The following USP32 variants were observed in gnomAD, a reference collection of about 807,000 sequenced individuals.
USP32 encodes ubiquitin carboxyl-terminal hydrolase 32.
A neutral mutation model predicts 204.8 loss-of-function variants in USP32; 59 were observed. The ratio of observed to expected loss-of-function variants is 0.29; its 90% CI spans 0.23 to 0.36. The LOEUF (loss-of-function observed/expected upper bound fraction) is 0.36, where lower values mean the gene tolerates loss of function less well. USP32 is among the 10% of genes least tolerant of loss of function. The pLI is 1.00. For synonymous variants in USP32, 517 were observed against 678.4 expected, an observed-to-expected ratio of 0.76 and a Z score of 3.70; for missense variants, 1,160 against 1,946.4, an observed-to-expected ratio of 0.60 and a Z score of 7.60.
chr17:60,279,141 C>T (rs1428666024), intron 5 of USP32, among the ~76,000 whole-genome samples: 1 of 152,174 alleles, frequency 6.6e-6, no homozygotes, highest in Non-Finnish European at 1.5e-5. Flanking sequence ...TGCTCAGCAT[C>T]ATCACAAACA....
intron 11 of USP32, among the ~76,000 whole-genome samples, chr17:60,251,849 T>C (rs1056013219): frequency 2.6e-5 from 4 of 152,024 alleles, no homozygotes; most frequent in African/African-American, 7.2e-5. Context: ...TCATTTAAAA[T>C]TATATTCAAA....
intron 1 of USP32, among the ~76,000 whole-genome samples, chr17:60,363,546 C>T (rs2089254832): frequency 6.6e-6 from 1 of 151,158 alleles, no homozygotes; most frequent in African/African-American, 2.4e-5. Flanking sequence ...GACAGGGTCT[C>T]ACTCTGTCGC....
At chr17:60,393,436 G>T (rs2089871930), upstream of USP32, among the ~76,000 whole-genome samples, 3 of 152,186 alleles carry the variant, frequency 2.0e-5, no homozygotes, top group South Asian at 2.1e-4. Context: ...ACCAAATGGG[G>T]TGTATATGTA....
intron 32 of USP32, 39 bp from the exon 33 acceptor site, chr17:60,180,676 A>G: frequency 1.3e-6 from 2 of 1,594,780 alleles, no homozygotes; most frequent in East Asian, 4.5e-5. Flanking sequence ...TTAGCAGTTA[A>G]CTGTACTATG....
intron 2 of USP32, among the ~76,000 whole-genome samples, chr17:60,327,945 G>C (rs928507446): frequency 1.3e-5 from 2 of 152,250 alleles, no homozygotes; most frequent in African/African-American, 4.8e-5. Context: ...CAAGATGGGG[G>C]AATCAAGGGG....
At chr17:60,280,667 G>C (rs923611105) in intron 5 of USP32, among the ~76,000 whole-genome samples, 8 of 152,142 alleles carry the variant, frequency 5.3e-5, no homozygotes, top group Admixed American at 1.3e-4. Context: ...AGTCACTGAT[G>C]CTTTAAAATA....
At chr17:60,399,982 T>G (rs1164900233) in intron 1 of USP32, among the ~76,000 whole-genome samples, 1 of 152,136 alleles carries the variant, frequency 6.6e-6, no homozygotes, top group Non-Finnish European at 1.5e-5. Context: ...CTTTTTTTTT[T>G]GAGATGGAGT....
At chr17:60,301,810 C>A in intron 2 of USP32, 106 bp from the exon 3 acceptor site, 1 of 736,188 alleles carries the variant, frequency 1.4e-6, no homozygotes, top group East Asian at 2.9e-5. Context: ...ACAACAGGCC[C>A]TGGTAAATTT....
chr17:60,181,050 A>G (rs1598021688), intron 32 of USP32, among the ~76,000 whole-genome samples: 1 of 151,784 alleles, frequency 6.6e-6, no homozygotes, highest in African/African-American at 2.4e-5. Context: ...ACCTTGCTCC[A>G]TTTTAAAATT....
intron 1 of USP32, among the ~76,000 whole-genome samples, chr17:60,359,613 C>G (rs2089159342): frequency 1.3e-5 from 2 of 151,902 alleles, no homozygotes. Context: ...GAGTTTGAGA[C>G]CAGCTTGAGC....
chr17:60,378,109 A>C (rs2146105999), intron 1 of USP32, among the ~76,000 whole-genome samples: 1 of 152,302 alleles, frequency 6.6e-6, no homozygotes, highest in African/African-American at 2.4e-5. Context: ...ACAAAAAAGC[A>C]CACATCTCAA....
At chr17:60,332,937 A>G (rs2088425550) in intron 2 of USP32, among the ~76,000 whole-genome samples, 2 of 152,232 alleles carry the variant, frequency 1.3e-5, no homozygotes, top group Non-Finnish European at 2.9e-5. Flanking sequence ...GAAAATCCTC[A>G]TTGTGAAAAC....
chr17:60,351,386 C>A (rs1020145843), intron 1 of USP32, among the ~76,000 whole-genome samples: 1 of 151,940 alleles, frequency 6.6e-6, no homozygotes. Flanking sequence ...TAATTTGTAC[C>A]TTTAGCTGAT....
intron 31 of USP32, 70 bp downstream of exon 31, chr17:60,183,095 G>A (rs1416182743): frequency 1.3e-6 from 2 of 1,509,156 alleles, no homozygotes; most frequent in African/African-American, 1.4e-5. Flanking sequence ...TTCCAGAACA[G>A]AAGACAGAGA....
intron 1 of USP32, among the ~76,000 whole-genome samples, chr17:60,415,621 A>C (rs1437462544): frequency 2.0e-5 from 3 of 152,200 alleles, no homozygotes; most frequent in Non-Finnish European, 4.4e-5. Flanking sequence ...GACAGTGTCT[A>C]GGTAATGATT....
At chr17:60,385,077 C>T (rs1001123381) in intron 1 of USP32, among the ~76,000 whole-genome samples, 2 of 152,228 alleles carry the variant, frequency 1.3e-5, no homozygotes, top group East Asian at 1.9e-4. Context: ...GTGAAAATGG[C>T]AGGTTCCTGC....
intron 5 of USP32, among the ~76,000 whole-genome samples, chr17:60,286,847 T>C (rs2087126055): frequency 6.6e-6 from 1 of 152,154 alleles, no homozygotes; most frequent in African/African-American, 2.4e-5. Flanking sequence ...CATCCTTCTT[T>C]GTTCTAAATT....
chr17:60,191,199 C>T (rs1262771807), intron 28 of USP32, among the ~76,000 whole-genome samples: 4 of 151,598 alleles, frequency 2.6e-5, no homozygotes, highest in African/African-American at 7.3e-5. Flanking sequence ...GTCAGGAGGT[C>T]GAGACCAGTC....
intron 1 of USP32, among the ~76,000 whole-genome samples, chr17:60,398,334 A>T (rs1159474971): frequency 1.3e-5 from 2 of 152,162 alleles, no homozygotes; most frequent in Non-Finnish European, 2.9e-5. Flanking sequence ...AAGTAGAGCT[A>T]CAGTTACCCA....
Sources: gnomAD v4.1 joint callset for allele counts (sites outside exome capture counted in the v4.1 genomes callset) on GRCh38, gnomAD v4.1.1 for gene constraint, MANE v1.5 for transcripts, NCBI Gene and HGNC (gene_info 2026-07-23, HGNC 2026-07-21) for gene names.